PKD1L3: variants seen among roughly 807,000 people sequenced by gnomAD.
PKD1L3 encodes the protein polycystin 1 like 3, transient receptor potential channel interacting.
Under a neutral mutation model 184.1 loss-of-function variants are expected in PKD1L3, and 239 were observed. That is an observed-to-expected ratio of 1.30 (90% CI 1.17 to 1.45). The LOEUF is 1.45. Among genes scored for constraint, PKD1L3 ranks in the 40% most tolerant of loss-of-function variants. PKD1L3 has a pLI of 0.00. For synonymous variants in PKD1L3, 996 were observed against 778.8 expected, an observed-to-expected ratio of 1.28 and a Z score of -4.64; for missense variants, 2,660 against 2,067.2, an observed-to-expected ratio of 1.29 and a Z score of -5.56.
intron 11 of PKD1L3, among the ~76,000 whole-genome samples, chr16:71,974,212 C>T (rs756669301): frequency 3.1e-4 from 47 of 152,134 alleles, no homozygotes; most frequent in Non-Finnish European, 2.2e-4. Context: ...ACGCTAGGGA[C>T]CGGAGGTCGG....
In PKD1L3 at chr16:71,949,896, C is replaced by T. The variant is rs1002036036; in HGVS notation, c.3505G>A (p.Ala1169Thr). The stretch of plus-strand genomic sequence containing the variant: ...AAGCTATAAAGTGCTGTAAAAAAGG[C>T]TGAAGCCAGGCTAGTGAAACCTAAG... ...LLLGFTSLAS[A>T]FFTALYSLEL... Residue 1169 changes from alanine to threonine, a missense_variant, in exon 21 of 30, where the codon GCC becomes ACC. Coordinates refer to ENST00000620267, the MANE Select transcript of PKD1L3 (RefSeq NM_181536.2). 3 of 1,551,534 alleles carry T rather than the reference C, an allele frequency of 1.9e-6. No individual in the cohort carries two copies. Among genetic ancestry groups the T allele is most frequent in the Non-Finnish European group, 1.7e-6 (2 of 1,146,998 alleles).
intron 6 of PKD1L3, among the ~76,000 whole-genome samples, chr16:71,983,020 T>C (rs1352868075): frequency 1.3e-5 from 2 of 152,198 alleles, no homozygotes; most frequent in Non-Finnish European, 2.9e-5. Flanking sequence ...ATATAACCTA[T>C]AAGGGAGGAT....
In PKD1L3 at chr16:71,967,942, G is replaced by A. The variant is rs942561638; in HGVS notation, c.2250C>T (p.Tyr750=). 6 of 1,551,546 alleles carry A rather than the reference G, an allele frequency of 3.9e-6. No homozygotes were observed. Among genetic ancestry groups the A allele is most frequent in the Admixed American group, 2.0e-5 (1 of 50,982 alleles). ...SAQFHYLIQV[Y]TGYRRSAATT... is the part of the protein sequence containing the mutation. ...TAGCAGCGCTTCTTCGATATCCGGT[G>A]TAGACCTGAATAAGGTAGTGAAATT... Residue 750 remains tyrosine (Y), a synonymous_variant, in exon 14 of 30, where the codon TAC becomes TAT. Transcript: ENST00000620267.
chr16:71,949,717 G>T lies in PKD1L3; in HGVS notation c.3618+66C>A, dbSNP rs909298104. On this transcript the variant is annotated intron_variant, in intron 21 of 29. Transcript: ENST00000620267. ...TCAAAACCACTAGGCACCTTGGATT[G>T]ACACCCAGGGACCTCAGTTCCCCTA... 3 of 1,377,178 alleles carry T rather than the reference G, an allele frequency of 2.2e-6. No individual in the cohort carries two copies. In the African/African-American group the frequency reaches 4.4e-5, roughly 20 times the overall value. 85.3% of individuals were successfully genotyped at this position (1,377,178 alleles called of 1,614,324 possible).
At chr16:71,975,691 TA>T (rs780590973) in intron 11 of PKD1L3, among the ~76,000 whole-genome samples, 2 of 152,220 alleles carry the variant, frequency 1.3e-5, no homozygotes, top group Non-Finnish European at 2.9e-5. Flanking sequence ...AACATCCTAC[TA>T]AGTCTGCTTC....
At position 71,950,128 on chromosome 16, in the gene PKD1L3, C is replaced by G. The variant is rs760164595; in HGVS notation, c.3373G>C (p.Glu1125Gln). 4 of 1,551,744 alleles carry G rather than the reference C, an allele frequency of 2.6e-6. No homozygotes were observed. Among genetic ancestry groups the G allele is most frequent in the Non-Finnish European group, 3.5e-6 (4 of 1,146,972 alleles). The change falls in exon 20 of 30, where the codon GAG becomes CAG. Residue 1125 changes from glutamate to glutamine, a missense_variant. By Grantham distance (29) the Glu-to-Gln change is conservative. Transcript: ENST00000620267. ...LETHILPTEQ[E>Q]PSREVTSFAI... Reference sequence around the variant, plus strand: ...GGTGTGGTGCATTACCTGGATGGCTCTTGCTCCGTGGGAAGAATATGTGTT... The same window carrying G: ...GGTGTGGTGCATTACCTGGATGGCTGTTGCTCCGTGGGAAGAATATGTGTT...
Position 71,969,994 on chromosome 16 carries a change from T to C in PKD1L3, c.2065A>G (p.Lys689Glu). 6.4e-7 allele frequency: 1 copy of C among 1,551,798 alleles called. No homozygotes were observed. The highest frequency in any genetic ancestry group is 1.2e-5 in the South Asian group (1 of 84,066). The change falls in exon 13 of 30, where the codon AAA becomes GAA. Residue 689 changes from lysine (K) to glutamate (E), a missense_variant. By Grantham distance (56) the Lys-to-Glu change is moderately conservative (BLOSUM62 1). Transcript: ENST00000620267. Reference protein sequence around the residue: ...PRTVNVEDTIKLFLRVTNNPV... With the variant: ...PRTVNVEDTIELFLRVTNNPV... The stretch of plus-strand genomic sequence containing the variant: ...TTGTTGGTCACGCGAAGGAACAGTT[T>C]GATCGTGTCTTCAACATTCACGGTC...
chr16:71,999,890 C>A lies in PKD1L3; in HGVS notation c.89G>T (p.Gly30Val). Reference protein sequence around the residue: ...GSELNSPAPHGQNNCYQLNRF... With the variant: ...GSELNSPAPHVQNNCYQLNRF... ...GTTAAGCTGGTAACAATTATTTTGC[C>A]CATGTGGTGCTGGGCTGTTTAGCTC... The change falls in exon 1 of 30, where the codon GGG becomes GTG. Residue 30 changes from glycine to valine, a missense_variant. Gly to Val is a moderately radical substitution (Grantham distance 109). Transcript: ENST00000620267. 2 of 1,551,692 alleles carry A rather than the reference C, an allele frequency of 1.3e-6. No individual in the cohort carries two copies. Among genetic ancestry groups the A allele is most frequent in the Non-Finnish European group, 1.7e-6 (2 of 1,147,004 alleles).
At chr16:71,943,553 A>AAC (rs1555514251) in intron 23 of PKD1L3, among the ~76,000 whole-genome samples, 3 of 151,714 alleles carry the variant, frequency 2.0e-5, no homozygotes, top group Non-Finnish European at 4.4e-5. Context: ...AAAAAAAAAA[A>AAC]AAAAACATAA....
At chr16:71,960,104 C>T (rs1454768959) in intron 16 of PKD1L3, among the ~76,000 whole-genome samples, 1 of 150,744 alleles carries the variant, frequency 6.6e-6, no homozygotes, top group Non-Finnish European at 1.5e-5. Context: ...GCTGGGGTGA[C>T]AGAGCAAGAC....
intron 28 of PKD1L3, 156 bp from the exon 29 acceptor site, chr16:71,930,339 T>G (rs985742543): frequency 2.9e-6 from 2 of 681,996 alleles, no homozygotes; most frequent in African/African-American, 3.6e-5. Flanking sequence ...GGAAAATACT[T>G]TTAAATGGAC....
intron 16 of PKD1L3, among the ~76,000 whole-genome samples, chr16:71,960,249 A>G (rs1425735117): frequency 1.3e-5 from 2 of 152,120 alleles, no homozygotes. Flanking sequence ...AATGGATTAT[A>G]ACAAATAATG....
chr16:71,955,604 C>T (rs1046158423), intron 16 of PKD1L3, among the ~76,000 whole-genome samples: 11 of 152,076 alleles, frequency 7.2e-5, no homozygotes, highest in African/African-American at 2.7e-4. Context: ...GTGATCCTCC[C>T]ACCTCAGTGG....
In PKD1L3 at chr16:71,930,025, A is replaced by G. The variant is rs57754843; in HGVS notation, c.5058+27T>C. On this transcript the variant is annotated intron_variant, in intron 29 of 29. Transcript: ENST00000620267. ...GGAGCTTTCCCAGTGATATAACAGC[A>G]TGCTAGTTTATCTTTTAGTTACCTA... is the stretch of plus-strand genomic sequence containing the variant. The G allele has an allele frequency of 0.015, 23,149 of 1,540,386 alleles. 2,539 individuals are homozygous for G. The African/African-American group carries it at 0.26, about 17-fold the overall frequency.
rs2143313026 is a variant in PKD1L3 at position 71,947,491 on chromosome 16, C to A, written c.3718+1G>T. The A allele has an allele frequency of 1.3e-6, 2 of 1,522,558 alleles. No homozygotes were observed. Among genetic ancestry groups the A allele is most frequent in the East Asian group, 2.5e-5 (1 of 40,732 alleles). The allele number at this position is 1,522,558 out of a possible 1,614,324, so 94.3% of individuals were successfully genotyped here. A position where few individuals can be genotyped will look rare whatever the true frequency, so the allele number is the denominator to read the frequency against. On this transcript the variant is annotated splice_donor_variant, in intron 22 of 29. Transcript: ENST00000620267. LOFTEE classifies it high-confidence loss of function. ...GTAGTTGTTAGAACTACTTGAGTTA[C>A]CCAAGAGTGCCAAGATCCTCTTTGT... is the stretch of plus-strand genomic sequence containing the variant.
At position 71,942,657 on chromosome 16, in the gene PKD1L3, G is replaced by A; in HGVS notation, c.4227C>T (p.Tyr1409=). The A allele has an allele frequency of 3.9e-6, 6 of 1,551,762 alleles. No homozygotes were observed. Among genetic ancestry groups the A allele is most frequent in the Non-Finnish European group, 5.2e-6 (6 of 1,147,010 alleles). ...GCACCATGGGCCTGGGTGAACAGAT[G>A]TAACTGAACCTCCTTAGATGAAGTC... is the stretch of plus-strand genomic sequence containing the variant. ...FPGLHLRRFS[Y]ICSPRPMVLI... Residue 1409 remains tyrosine, a synonymous_variant, in exon 24 of 30, where the codon TAC becomes TAT. Transcript: ENST00000620267.
chr16:71,995,178 G>T (rs996767227), intron 2 of PKD1L3, among the ~76,000 whole-genome samples: 2 of 152,098 alleles, frequency 1.3e-5, no homozygotes, highest in African/African-American at 4.8e-5. Context: ...ACCTCGTAAG[G>T]TGAAAAGGCA....
chr16:72,000,083 A>G lies in PKD1L3; in HGVS notation c.-105T>C, dbSNP rs1377185733. 3 of 960,168 alleles carry G rather than the reference A, an allele frequency of 3.1e-6. No individual in the cohort carries two copies. The highest frequency in any genetic ancestry group is 4.3e-6 in the Non-Finnish European group (3 of 691,248). 59.5% of individuals were successfully genotyped at this position (960,168 alleles called of 1,614,324 possible). A position where few individuals can be genotyped will look rare whatever the true frequency, so the allele number is the denominator to read the frequency against. On this transcript the variant is annotated 5_prime_UTR_variant, in exon 1 of 30. Transcript: ENST00000620267. ...TCTTATTAGTATTATTCTTTTATGA[A>G]TTGGGAACAATTTACCAAGGATACA...
intron 4 of PKD1L3, among the ~76,000 whole-genome samples, chr16:71,987,436 CCA>C (rs1207507315): frequency 6.6e-6 from 1 of 152,036 alleles, no homozygotes; most frequent in African/African-American, 2.4e-5. Flanking sequence ...TGCAGTGGCG[CCA>C]CCTCAGCTCA....
Sources: allele counts gnomAD v4.1 joint callset (sites outside exome capture counted in the v4.1 genomes callset), GRCh38; gene constraint gnomAD v4.1.1; transcripts MANE v1.5; gene names NCBI Gene and HGNC (gene_info 2026-07-23, HGNC 2026-07-21).